JMJD1C: variants seen among roughly 807,000 people sequenced by gnomAD.
The protein encoded by JMJD1C is jumonji domain containing 1C.
JMJD1C carries 31 observed loss-of-function variants against 245.3 expected under a neutral mutation model. The ratio of observed to expected loss-of-function variants is 0.13; its 90% CI spans 0.09 to 0.17. The LOEUF is 0.17. Among genes scored for constraint, JMJD1C ranks in the 10% least tolerant of loss-of-function variants. JMJD1C has a pLI of 1.00. For synonymous variants in JMJD1C, 1,057 were observed against 1,017.4 expected (o/e 1.04, Z -0.74); for missense variants, 2,691 against 3,000.2 (o/e 0.90, Z 2.41).
intron 10 of JMJD1C, chr10:63,202,451 G>C: frequency 1.0e-6 from 1 of 984,872 alleles, no homozygotes; most frequent in Non-Finnish European, 1.2e-6. Flanking sequence ...CCCAATGTGT[G>C]GATCAGAGGT....
chr10:63,365,115 G>A (rs1179357200), intron 2 of JMJD1C, among the ~76,000 whole-genome samples: 1 of 152,108 alleles, frequency 6.6e-6, no homozygotes, highest in African/African-American at 2.4e-5. Context: ...CTCATACAAC[G>A]CCTTCCAACC....
At chr10:63,184,009 C>T (rs1228078346) in intron 21 of JMJD1C, among the ~76,000 whole-genome samples, 1 of 151,346 alleles carries the variant, frequency 6.6e-6, no homozygotes, top group Non-Finnish European at 1.5e-5. Context: ...CTCACTGCAA[C>T]CTCCACCTCC....
Position 63,243,103 on chromosome 10 carries a change from T to TTATATATATATATAAATA in JMJD1C, c.447+21547_447+21548insTATTTATATATATATATA, listed in dbSNP as rs1851695673. ...AAGAGCCAAAATACACTAACATAAATTATATATATATATATATATATAAAT... is the reference window on the plus strand; with the variant it reads ...AAGAGCCAAAATACACTAACATAAATTATATATATATATAAATATATATATATATATATATATATAAAT... On this transcript the variant is annotated intron_variant, in intron 3 of 25. Transcript: ENST00000399262. Among the ~76,000 whole-genome samples the TTATATATATATATAAATA allele has an allele frequency of 7.5e-5, 9 of 120,124 alleles. No individual in the cohort carries two copies. In the East Asian group the frequency reaches 2.0e-3, roughly 27 times the overall value. 78.8% of individuals were successfully genotyped at this position (120,124 alleles called of 152,430 possible). A position where few individuals can be genotyped will look rare whatever the true frequency, so the allele number is the denominator to read the frequency against.
rs1433900851 is a variant in JMJD1C, at chr10:63,168,027, T to C, written c.*18A>G. On this transcript the variant is annotated 3_prime_UTR_variant, in exon 26 of 26. Transcript: ENST00000399262. ...TAATCCCAGTTCAACAACCTAAAAA[T>C]ATCAAACTGGATCACACTTAATTTT... 6 of 1,418,490 alleles carry C rather than the reference T, an allele frequency of 4.2e-6. No individual in the cohort carries two copies. Among genetic ancestry groups the C allele is most frequent in the African/African-American group, 1.4e-5 (1 of 71,442 alleles). The allele number at this position is 1,418,490 out of a possible 1,614,324, so 87.9% of individuals were successfully genotyped here.
At chr10:63,409,412 G>A (rs915575375) in intron 1 of JMJD1C, among the ~76,000 whole-genome samples, 2 of 152,154 alleles carry the variant, frequency 1.3e-5, no homozygotes, top group Non-Finnish European at 2.9e-5. Context: ...TCCTATTTAT[G>A]TGTTTCCTTA....
rs67008681 is a variant in JMJD1C, at chr10:63,375,183, C to CTTTTTTTT, written c.333+5127_333+5134dup. Reference sequence around the variant, plus strand: ...TATGAAATCAACACATAAAAATTGGCTTTTTTTTTTTTTTTTTTTTTGAGG... The same window carrying CTTTTTTTT: ...TATGAAATCAACACATAAAAATTGGCTTTTTTTTTTTTTTTTTTTTTTTTTTTTTGAGG... On this transcript the variant is annotated intron_variant, in intron 2 of 25. Transcript: ENST00000399262. 7.0e-4 allele frequency among the ~76,000 whole-genome samples: 65 copies of CTTTTTTTT among 92,966 alleles called. 4 individuals carry two copies. The highest frequency in any genetic ancestry group is 1.0e-3 in the Non-Finnish European group (49 of 49,106). 61.0% of individuals were successfully genotyped at this position (92,966 alleles called of 152,430 possible). A position where few individuals can be genotyped will look rare whatever the true frequency, so the allele number is the denominator to read the frequency against.
intron 3 of JMJD1C, among the ~76,000 whole-genome samples, chr10:63,224,570 C>T (rs1849017778): frequency 6.6e-6 from 1 of 151,982 alleles, no homozygotes; most frequent in South Asian, 2.1e-4. Flanking sequence ...TGAAACAAAG[C>T]CAAATAGGTT....
At chr10:63,461,426 T>C (rs1436294890) in intron 1 of JMJD1C, among the ~76,000 whole-genome samples, 3 of 152,166 alleles carry the variant, frequency 2.0e-5, no homozygotes, top group Non-Finnish European at 2.9e-5. Flanking sequence ...GGAAATGTAA[T>C]GCTACCAACT....
intron 2 of JMJD1C, among the ~76,000 whole-genome samples, chr10:63,309,367 G>A (rs765400685): frequency 2.0e-4 from 31 of 151,280 alleles, no homozygotes; most frequent in Non-Finnish European, 3.2e-4. Context: ...GGTGGCAGGC[G>A]CCTGTAATCC....
At chr10:63,357,814 C>CACAG (rs1329268077) in intron 2 of JMJD1C, among the ~76,000 whole-genome samples, 10 of 105,936 alleles carry the variant, frequency 9.4e-5, no homozygotes, top group East Asian at 5.5e-4. Flanking sequence ...TGTCAAAAGA[C>CACAG]ACAGACAGAC....
chr10:63,356,752 T>C (rs1292003946), intron 2 of JMJD1C, among the ~76,000 whole-genome samples: 1 of 152,182 alleles, frequency 6.6e-6, no homozygotes, highest in Non-Finnish European at 1.5e-5. Flanking sequence ...GGAAGGCAAG[T>C]CTGAGAACAT....
intron 2 of JMJD1C, among the ~76,000 whole-genome samples, chr10:63,327,143 C>T (rs761067385): frequency 6.6e-6 from 1 of 152,116 alleles, no homozygotes; most frequent in Admixed American, 6.5e-5. Flanking sequence ...GCTGTGAATG[C>T]ACCACTGTAC....
intron 2 of JMJD1C, chr10:63,372,947 C>T (rs373565460): frequency 5.3e-6 from 1 of 187,014 alleles, no homozygotes; most frequent in Non-Finnish European, 1.3e-5. Flanking sequence ...TTAGAAAACA[C>T]AGCAGTGTTA....
chr10:63,309,099 A>G (rs1467228914), intron 2 of JMJD1C, among the ~76,000 whole-genome samples: 1 of 152,172 alleles, frequency 6.6e-6, no homozygotes, highest in Non-Finnish European at 1.5e-5. Context: ...AACAACAACA[A>G]CAAAAAACCT....
intron 1 of JMJD1C, among the ~76,000 whole-genome samples, chr10:63,471,610 TTAC>T (rs1208093983): frequency 6.6e-6 from 1 of 152,246 alleles, no homozygotes; most frequent in Non-Finnish European, 1.5e-5. Context: ...AATACTAATA[TTAC>T]TACATACTAA....
At chr10:63,430,786 C>A (rs568044310) in intron 1 of JMJD1C, among the ~76,000 whole-genome samples, 3 of 152,332 alleles carry the variant, frequency 2.0e-5, no homozygotes, top group African/African-American at 7.2e-5. Context: ...CAAGAGCTCA[C>A]TCACTGGAGA....
chr10:63,383,099 C>T (rs1336641103), intron 1 of JMJD1C, among the ~76,000 whole-genome samples: 2 of 151,404 alleles, frequency 1.3e-5, no homozygotes, highest in Non-Finnish European at 2.9e-5. Flanking sequence ...TTTTAATTAA[C>T]ATTAAAAATC....
chr10:63,477,792 A>G (rs1171706026), intron 1 of JMJD1C, among the ~76,000 whole-genome samples: 1 of 152,158 alleles, frequency 6.6e-6, no homozygotes, highest in Non-Finnish European at 1.5e-5. Context: ...CTGCTCTCCA[A>G]AGGTCACAGG....
chr10:63,262,242 A>G (rs747630950), intron 3 of JMJD1C, among the ~76,000 whole-genome samples: 1 of 152,210 alleles, frequency 6.6e-6, no homozygotes, highest in African/African-American at 2.4e-5. Context: ...AACTGGTTAG[A>G]AAACAATCAA....
Sources: allele counts gnomAD v4.1 joint callset (sites outside exome capture counted in the v4.1 genomes callset), GRCh38; gene constraint gnomAD v4.1.1; transcripts MANE v1.5; gene names NCBI Gene and HGNC (gene_info 2026-07-23, HGNC 2026-07-21).